The following RAI2 variants were observed in gnomAD, a reference collection of about 807,000 sequenced individuals.
RAI2 encodes retinoic acid-induced protein 2.
RAI2 carries 5 observed loss-of-function variants against 15.3 expected under a neutral mutation model. The observed-to-expected ratio is 0.33, with a 90% confidence interval of 0.17 to 0.69. RAI2 has a LOEUF of 0.69. Ranked by LOEUF, RAI2 falls within the 30% of genes least tolerant of loss-of-function variation. The pLI is 0.69. For synonymous variants in RAI2, 191 were observed against 184.0 expected (o/e 1.04, Z -0.31); for missense variants, 424 against 424.7 (o/e 1.00, Z 0.01).
intron 1 of RAI2, among the ~76,000 whole-genome samples, chrX:17,816,574 C>G (rs1201811342): frequency 2.7e-5 from 3 of 112,377 alleles, no homozygotes; most frequent in Non-Finnish European, 5.6e-5. Flanking sequence ...TTGGACTTCC[C>G]TCTCCACCAT....
intron 1 of RAI2, among the ~76,000 whole-genome samples, chrX:17,806,628 T>G (rs1168287437): frequency 9.0e-6 from 1 of 110,684 alleles, no homozygotes; most frequent in African/African-American, 3.3e-5. Context: ...GATGAGGAGG[T>G]AGGGAGGGAC....
chrX:17,831,088 G>A (rs949877059), intron 1 of RAI2, among the ~76,000 whole-genome samples: 1 of 111,566 alleles, frequency 9.0e-6, no homozygotes, highest in African/African-American at 3.3e-5. Flanking sequence ...GCTGAGGAAG[G>A]CAAGAAAGGG....
chrX:17,806,688 C>T (rs1479215416), intron 1 of RAI2, among the ~76,000 whole-genome samples: 2 of 111,374 alleles, frequency 1.8e-5, no homozygotes, highest in Non-Finnish European at 3.8e-5. Context: ...AATCTGTTCT[C>T]ACACTCCTAT....
chrX:17,836,850 AG>A (rs1391702888), intron 1 of RAI2, among the ~76,000 whole-genome samples: 1 of 112,269 alleles, frequency 8.9e-6, no homozygotes, highest in Non-Finnish European at 1.9e-5. Context: ...TGTATGTAAA[AG>A]GGGACCACAG....
chrX:17,805,689 G>A (rs2066970940), intron 1 of RAI2, among the ~76,000 whole-genome samples: 1 of 112,201 alleles, frequency 8.9e-6, no homozygotes. Context: ...GGGCAAAGGG[G>A]AAAAACCCCT....
intron 1 of RAI2, among the ~76,000 whole-genome samples, chrX:17,845,782 TAA>T (rs752731764): frequency 3.6e-5 from 4 of 112,345 alleles, no homozygotes; most frequent in African/African-American, 6.5e-5. Flanking sequence ...CCTAGAAAAA[TAA>T]AAAGTCTTTT....
At position 17,801,746 on chromosome X, in the gene RAI2, C is replaced by A; in HGVS notation, c.265G>T (p.Val89Leu). Residue 89 changes from valine (V) to leucine (L), a missense_variant, in exon 2 of 2, where the codon GTG (valine) becomes TTG (leucine). Physicochemically the swap from Val to Leu is conservative, Grantham distance 32. Coordinates refer to ENST00000451717, the MANE Select transcript of RAI2 (RefSeq NM_021785.6). ...TCCACCTGCATGTGAATGGGCATCA[C>A]CACTGGGCTCTCCCCGAGGCACAGG... ...QPLCLGESPVVMPIHMQVEGS... is the reference protein window; with the variant it reads ...QPLCLGESPVLMPIHMQVEGS... 8.3e-7 allele frequency: 1 copy of A among 1,211,991 alleles called. No homozygotes were observed.
intron 1 of RAI2, among the ~76,000 whole-genome samples, chrX:17,815,868 A>G (rs1255496042): frequency 9.0e-6 from 1 of 111,276 alleles, no homozygotes; most frequent in Non-Finnish European, 1.9e-5. Context: ...TGACAACTCA[A>G]CCGACACAAT....
intron 1 of RAI2, among the ~76,000 whole-genome samples, chrX:17,825,260 A>G (rs1229256700): frequency 8.8e-6 from 1 of 113,113 alleles, no homozygotes; most frequent in African/African-American, 3.2e-5. Context: ...AGCTTGTGCT[A>G]AACAGATTTT....
chrX:17,832,365 G>A (rs774520967), intron 1 of RAI2, among the ~76,000 whole-genome samples: 10 of 111,177 alleles, frequency 9.0e-5, no homozygotes, highest in East Asian at 8.5e-4. Flanking sequence ...ACCCACCCTC[G>A]CCTCCCAGTA....
intron 1 of RAI2, among the ~76,000 whole-genome samples, chrX:17,849,090 C>T (rs2067497352): frequency 8.9e-6 from 1 of 112,557 alleles, no homozygotes; most frequent in Non-Finnish European, 1.9e-5. Flanking sequence ...GCGACCACTG[C>T]TCCCTGAGGT....
intron 1 of RAI2, among the ~76,000 whole-genome samples, chrX:17,855,454 C>T (rs933892842): frequency 1.8e-5 from 2 of 112,133 alleles, no homozygotes; most frequent in Admixed American, 1.9e-4. Flanking sequence ...CCTGCCTGTG[C>T]CCATTCTATT....
chrX:17,807,937 T>C lies in RAI2; in HGVS notation c.-24-5903A>G, dbSNP rs145884174. ...CAACAGCTTTGGTTTCTATGGAGCA[T>C]GGAGACGGCTATCAATTATTTCTAG... On this transcript the variant is annotated intron_variant, in intron 1 of 1. Transcript: ENST00000451717. Among the ~76,000 whole-genome samples the C allele has an allele frequency of 1.5e-3, 170 of 112,232 alleles. 1 individual carries two copies. The highest frequency in any genetic ancestry group is 5.4e-3 in the African/African-American group (167 of 30,856).
At chrX:17,849,663 AT>A in intron 1 of RAI2, among the ~76,000 whole-genome samples, 1 of 112,484 alleles carries the variant, frequency 8.9e-6, no homozygotes, top group Non-Finnish European at 1.9e-5. Flanking sequence ...GACATTCTGC[AT>A]TGGCTAGGAT....
At chrX:17,811,627 G>A (rs1393847974) in intron 1 of RAI2, among the ~76,000 whole-genome samples, 1 of 112,207 alleles carries the variant, frequency 8.9e-6, no homozygotes, top group African/African-American at 3.2e-5. Flanking sequence ...AGACCAGTGT[G>A]CCAGAAATAG....
At chrX:17,803,279 A>C (rs924357092) in intron 1 of RAI2, among the ~76,000 whole-genome samples, 1 of 111,419 alleles carries the variant, frequency 9.0e-6, no homozygotes, top group South Asian at 3.8e-4. Context: ...TAATCTCAGC[A>C]CTTTGGGAGG....
chrX:17,848,579 G>T (rs1192556480), intron 1 of RAI2, among the ~76,000 whole-genome samples: 1 of 110,845 alleles, frequency 9.0e-6, no homozygotes, highest in African/African-American at 3.3e-5. Context: ...TCCTTCCAGG[G>T]ACCTTTCCAG....
chrX:17,828,916 C>G (rs1346880111), intron 1 of RAI2, among the ~76,000 whole-genome samples: 1 of 111,587 alleles, frequency 9.0e-6, no homozygotes, highest in Non-Finnish European at 1.9e-5. Context: ...CGTCAAGGGC[C>G]TCACACTGCA....
At chrX:17,806,338 A>G (rs2066980909) in intron 1 of RAI2, among the ~76,000 whole-genome samples, 1 of 112,014 alleles carries the variant, frequency 8.9e-6, no homozygotes, top group Non-Finnish European at 1.9e-5. Context: ...GGTGACAGGG[A>G]ACATTTCGTT....
Sources: gnomAD v4.1 joint callset for allele counts (sites outside exome capture counted in the v4.1 genomes callset) on GRCh38, gnomAD v4.1.1 for gene constraint, MANE v1.5 for transcripts, NCBI Gene and HGNC (gene_info 2026-07-23, HGNC 2026-07-21) for gene names.